Variants in DCP2 observed in about 807,000 individuals in gnomAD.
DCP2 encodes decapping mRNA 2.
Under a neutral mutation model 56.1 loss-of-function variants are expected in DCP2, and 30 were observed. The ratio of observed to expected loss-of-function variants is 0.53; its 90% CI spans 0.40 to 0.73. The LOEUF (loss-of-function observed/expected upper bound fraction) is 0.73. Among genes scored for constraint, DCP2 ranks in the 30% least tolerant of loss-of-function variants. The pLI is 0.00. For missense variants in DCP2, 533 were observed against 502.7 expected, an observed-to-expected ratio of 1.06 and a Z score of -0.58; for synonymous variants, 197 against 163.3, an observed-to-expected ratio of 1.21 and a Z score of -1.57.
intron 3 of DCP2, 128 bp from the exon 4 acceptor site, chr5:112,992,544 A>G: frequency 1.3e-6 from 1 of 755,516 alleles, no homozygotes; most frequent in Non-Finnish European, 2.1e-6. Context: ...AAGATACTTT[A>G]AGAAAATACT....
At chr5:112,983,192 C>T (rs1376208533) in intron 1 of DCP2, among the ~76,000 whole-genome samples, 2 of 152,158 alleles carry the variant, frequency 1.3e-5, no homozygotes, top group African/African-American at 4.8e-5. Context: ...GGTTTCTCTT[C>T]AAGTAAGACA....
chr5:113,003,802 C>G, intron 7 of DCP2, 140 bp from the exon 8 acceptor site: 1 of 930,100 alleles, frequency 1.1e-6, no homozygotes, highest in Non-Finnish European at 1.6e-6. Flanking sequence ...AAAATCTCTG[C>G]TCTCATAGAA....
chr5:113,013,278 C>T (rs746925040), intron 10 of DCP2, 43 bp from the exon 11 acceptor site: 2 of 1,567,728 alleles, frequency 1.3e-6, no homozygotes, highest in Non-Finnish European at 8.6e-7. Flanking sequence ...TGATTTCTTA[C>T]TAAGGTTACT....
At chr5:112,981,619 G>C (rs1362966759) in intron 1 of DCP2, among the ~76,000 whole-genome samples, 1 of 152,192 alleles carries the variant, frequency 6.6e-6, no homozygotes, top group Non-Finnish European at 1.5e-5. Flanking sequence ...TCGGGGCATA[G>C]TCAGGAGCCC....
chr5:112,986,028 A>G (rs1561686460), intron 2 of DCP2, 42 bp downstream of exon 2: 2 of 1,473,860 alleles, frequency 1.4e-6, no homozygotes, highest in Admixed American at 1.9e-5. Context: ...TCTTGTTAGC[A>G]ATATATTTTA....
chr5:112,998,663 G>A (rs914035164), intron 4 of DCP2, among the ~76,000 whole-genome samples: 1 of 152,182 alleles, frequency 6.6e-6, no homozygotes, highest in Admixed American at 6.5e-5. Context: ...AGATAGTGTC[G>A]TATGTAGAGA....
At chr5:113,005,634 C>T (rs1749391838) in intron 8 of DCP2, among the ~76,000 whole-genome samples, 1 of 152,200 alleles carries the variant, frequency 6.6e-6, no homozygotes, top group Non-Finnish European at 1.5e-5. Flanking sequence ...CCATGTGACT[C>T]AGCAATTCCA....
chr5:112,998,345 T>G (rs1197092791), intron 4 of DCP2, among the ~76,000 whole-genome samples: 1 of 152,208 alleles, frequency 6.6e-6, no homozygotes, highest in Non-Finnish European at 1.5e-5. Context: ...ATCTTTTAAG[T>G]CCTAGCTCCA....
chr5:112,988,206 G>A (rs1043892515), intron 2 of DCP2, among the ~76,000 whole-genome samples: 27 of 151,918 alleles, frequency 1.8e-4, no homozygotes, highest in African/African-American at 6.5e-4. Flanking sequence ...TCCAAGGCCG[G>A]GTGCGGTGGC....
At chr5:113,001,788 T>G in intron 7 of DCP2, 114 bp downstream of exon 7, 2 of 919,496 alleles carry the variant, frequency 2.2e-6, no homozygotes, top group South Asian at 3.1e-5. Context: ...ATAGATACTC[T>G]TTGTTACTGG....
rs1279624709 is a variant in DCP2, at chr5:113,016,186, G to C, written c.*2702G>C. On this transcript the variant is annotated 3_prime_UTR_variant, in exon 11 of 11. Transcript: ENST00000389063. ...CTAACCATTGTAATCCAAAAGATAA[G>C]GGTGTGGTTTACATGCTTTTCAAAA... The C allele has an allele frequency of 6.6e-6, 1 of 152,614 alleles. No individual in the cohort carries two copies. Among genetic ancestry groups the C allele is most frequent in the African/African-American group, 2.4e-5 (1 of 41,450 alleles). 9.5% of individuals were successfully genotyped at this position (152,614 alleles called of 1,614,324 possible). A position where few individuals can be genotyped will look rare whatever the true frequency, so the allele number is the denominator to read the frequency against.
intron 1 of DCP2, among the ~76,000 whole-genome samples, chr5:112,980,565 A>G (rs970551817): frequency 2.9e-5 from 4 of 138,590 alleles, no homozygotes; most frequent in Non-Finnish European, 3.1e-5. Context: ...GTCCATACAC[A>G]TATGTACACG....
At position 113,018,955 on chromosome 5, in the gene DCP2, T is replaced by A. The variant is rs1409713143; in HGVS notation, c.*5471T>A. On this transcript the variant is annotated 3_prime_UTR_variant, in exon 11 of 11. Coordinates refer to ENST00000389063, the MANE Select transcript of DCP2 (RefSeq NM_152624.6). Reference sequence around the variant, plus strand: ...GTGCTCTTTTGAGTCTCAAGGCTTATAGCTTTCACATTGGCTTGGGAACAA... The same window carrying A: ...GTGCTCTTTTGAGTCTCAAGGCTTAAAGCTTTCACATTGGCTTGGGAACAA... 1.3e-5 allele frequency: 2 copies of A among 152,374 alleles called. No individual in the cohort carries two copies. The highest frequency in any genetic ancestry group is 1.9e-4 in the East Asian group (1 of 5,194). 9.4% of individuals were successfully genotyped at this position (152,374 alleles called of 1,614,324 possible).
intron 1 of DCP2, among the ~76,000 whole-genome samples, chr5:112,977,668 C>T (rs1344083383): frequency 3.3e-5 from 5 of 152,144 alleles, no homozygotes; most frequent in Admixed American, 1.3e-4. Flanking sequence ...AGGGTGTATA[C>T]TTCAGATGAG....
chr5:113,011,777 T>C (rs1749689319), intron 10 of DCP2, among the ~76,000 whole-genome samples: 2 of 152,192 alleles, frequency 1.3e-5, no homozygotes, highest in Non-Finnish European at 2.9e-5. Flanking sequence ...CAAAAAAAAG[T>C]CATTGTGAAG....
intron 4 of DCP2, among the ~76,000 whole-genome samples, chr5:112,997,015 A>G (rs1296367988): frequency 2.0e-5 from 3 of 152,234 alleles, no homozygotes; most frequent in African/African-American, 7.2e-5. Context: ...TTGGCGTTTC[A>G]AAGTTAGTTT....
At chr5:112,989,963 G>T (rs1748505868) in intron 2 of DCP2, among the ~76,000 whole-genome samples, 1 of 152,152 alleles carries the variant, frequency 6.6e-6, no homozygotes, top group South Asian at 2.1e-4. Context: ...TAGAAGAAAG[G>T]ATGGTACCCA....
chr5:113,004,194 G>T, intron 8 of DCP2, 117 bp downstream of exon 8: 1 of 1,163,686 alleles, frequency 8.6e-7, no homozygotes, highest in Non-Finnish European at 1.2e-6. Flanking sequence ...ACTGATCAAA[G>T]CCTGTATGTT....
intron 1 of DCP2, chr5:112,984,703 A>AAAAAAAAATATATATATATAT: frequency 1.5e-5 from 1 of 64,856 alleles, no homozygotes; most frequent in African/African-American, 7.9e-5. Context: ...AAAAAAAAAA[A>AAAAAAAAATATATATATATAT]ATATATATAT....
Sources: allele counts gnomAD v4.1 joint callset (sites outside exome capture counted in the v4.1 genomes callset), GRCh38; gene constraint gnomAD v4.1.1; transcripts MANE v1.5; gene names NCBI Gene and HGNC (gene_info 2026-07-23, HGNC 2026-07-21).